SCG3: variants seen among roughly 807,000 people sequenced by gnomAD.
SCG3 encodes secretogranin III.
SCG3 carries 38 observed loss-of-function variants against 56.2 expected under a neutral mutation model. The ratio of observed to expected loss-of-function variants is 0.68; its 90% CI spans 0.52 to 0.89. SCG3 has a LOEUF of 0.89. Among genes scored for constraint, SCG3 ranks in the 40% least tolerant of loss-of-function variants. The pLI is 0.00. For synonymous variants in SCG3, 176 were observed against 184.2 expected, an observed-to-expected ratio of 0.96 and a Z score of 0.36; for missense variants, 524 against 540.7, an observed-to-expected ratio of 0.97 and a Z score of 0.31.
chr15:51,683,535 C>T (rs1414129286), intron 4 of SCG3, 101 bp downstream of exon 4: 2 of 734,478 alleles, frequency 2.7e-6, no homozygotes, highest in African/African-American at 3.6e-5. Flanking sequence ...ATTCATAATC[C>T]TTTATTAGTC....
intron 4 of SCG3, among the ~76,000 whole-genome samples, chr15:51,685,204 A>G (rs1295720596): frequency 6.6e-6 from 1 of 152,224 alleles, no homozygotes; most frequent in Non-Finnish European, 1.5e-5. Flanking sequence ...ACTTTTTAAA[A>G]TCTTGAATTC....
intron 8 of SCG3, among the ~76,000 whole-genome samples, chr15:51,696,226 C>T (rs2055302868): frequency 6.6e-6 from 1 of 152,122 alleles, no homozygotes; most frequent in Non-Finnish European, 1.5e-5. Context: ...TTAGCATTTT[C>T]TAATAATCTT....
chr15:51,695,734 C>G, intron 7 of SCG3, 141 bp from the exon 8 acceptor site: 1 of 595,732 alleles, frequency 1.7e-6, no homozygotes, highest in Non-Finnish European at 2.9e-6. Context: ...GCATTCCAGC[C>G]TGGGCCACAC....
chr15:51,699,953 C>T (rs1325269245), intron 9 of SCG3, among the ~76,000 whole-genome samples: 1 of 152,094 alleles, frequency 6.6e-6, no homozygotes, highest in Non-Finnish European at 1.5e-5. Flanking sequence ...AAGGAGCCTC[C>T]TTTCAAGGAG....
chr15:51,692,218 T>C lies in SCG3; in HGVS notation c.750T>C (p.Ser250=), dbSNP rs1253484688. 1 of 1,614,116 alleles carries C rather than the reference T, an allele frequency of 6.2e-7. No homozygotes were observed. The highest frequency in any genetic ancestry group is 8.5e-7 in the Non-Finnish European group (1 of 1,179,976). Residue 250 remains serine, a synonymous_variant, in exon 7 of 12, where the codon TCT becomes TCC. Transcript: ENST00000220478. ...AGGGAGAAAACGATGAAACAGTATC[T>C]AACACATTAACCTTGACAAATGGCT... ...LAKGENDETV[S]NTLTLTNGLE... is the part of the protein sequence containing the mutation.
At chr15:51,688,921 T>C (rs1489389213) in intron 5 of SCG3, among the ~76,000 whole-genome samples, 2 of 152,212 alleles carry the variant, frequency 1.3e-5, no homozygotes, top group Non-Finnish European at 2.9e-5. Context: ...TATCTGACTA[T>C]GACCCAAAGC....
chr15:51,718,805 ACAATT>A (rs1462275986), intron 11 of SCG3, among the ~76,000 whole-genome samples: 2 of 152,174 alleles, frequency 1.3e-5, no homozygotes, highest in Non-Finnish European at 2.9e-5. Context: ...CTCCTTGCAT[ACAATT>A]CAAACAGCAT....
chr15:51,699,451 G>T, intron 9 of SCG3, 49 bp downstream of exon 9: 1 of 1,171,734 alleles, frequency 8.5e-7, no homozygotes, highest in South Asian at 1.3e-5. Context: ...TAACCCTTTT[G>T]AGTGGTAAAT....
At chr15:51,696,139 A>G in intron 8 of SCG3, 148 bp downstream of exon 8, 1 of 644,040 alleles carries the variant, frequency 1.6e-6, no homozygotes, top group Non-Finnish European at 2.7e-6. Flanking sequence ...TAATATATAC[A>G]AATAAAATTA....
intron 11 of SCG3, among the ~76,000 whole-genome samples, chr15:51,716,744 G>A (rs2055458800): frequency 6.6e-6 from 1 of 152,218 alleles, no homozygotes; most frequent in Non-Finnish European, 1.5e-5. Context: ...ACACTAGCTG[G>A]TTGTCCGCTG....
At chr15:51,698,962 G>A (rs2055321867) in intron 8 of SCG3, among the ~76,000 whole-genome samples, 1 of 152,292 alleles carries the variant, frequency 6.6e-6, no homozygotes, top group South Asian at 2.1e-4. Flanking sequence ...CCAGGGTTAG[G>A]TTCCCTAGGG....
intron 11 of SCG3, among the ~76,000 whole-genome samples, chr15:51,714,548 G>A (rs1595842227): frequency 6.6e-6 from 1 of 152,194 alleles, no homozygotes; most frequent in South Asian, 2.1e-4. Context: ...AACAAGTAAT[G>A]CTTCTCAAAC....
rs750951935 is a variant in SCG3 at position 51,704,244 on chromosome 15, C to CATATATATATAT, written c.1207+3024_1207+3035dup. On this transcript the variant is annotated intron_variant, in intron 10 of 11. Coordinates refer to ENST00000220478, the MANE Select transcript of SCG3 (RefSeq NM_013243.4). ...ATATGTGTGTATACATACATACATA[C>CATATATATATAT]ATATATATATATATATATATATATA... Among the ~76,000 whole-genome samples, 463 of 73,506 alleles carry CATATATATATAT rather than the reference C, an allele frequency of 6.3e-3. 3 individuals are homozygous for CATATATATATAT. The highest frequency in any genetic ancestry group is 0.011 in the African/African-American group (230 of 20,900). The allele number at this position is 73,506 out of a possible 152,430, so 48.2% of individuals were successfully genotyped here.
Position 51,701,254 on chromosome 15 carries a change from T to A in SCG3, c.1207+10T>A. 1 of 1,576,430 alleles carries A rather than the reference T, an allele frequency of 6.3e-7. No individual in the cohort carries two copies. The highest frequency in any genetic ancestry group is 1.4e-5 in the African/African-American group (1 of 73,216). On this transcript the variant is annotated intron_variant, in intron 10 of 11. Transcript: ENST00000220478. ...ACAGATGAACCCAAAGGTATGGGAT[T>A]GACAGCTCTAGGTTAGCAATGAAAT...
At chr15:51,714,805 A>T (rs1595842332) in intron 11 of SCG3, among the ~76,000 whole-genome samples, 1 of 152,334 alleles carries the variant, frequency 6.6e-6, no homozygotes, top group Non-Finnish European at 1.5e-5. Flanking sequence ...GGCAATAATT[A>T]TCGATGTTCA....
intron 11 of SCG3, among the ~76,000 whole-genome samples, chr15:51,716,585 T>C (rs935066613): frequency 6.6e-6 from 1 of 152,198 alleles, no homozygotes; most frequent in Non-Finnish European, 1.5e-5. Flanking sequence ...GAAATGAGGA[T>C]ACTAATGCTT....
chr15:51,682,040 A>G (rs1321324299), intron 1 of SCG3, among the ~76,000 whole-genome samples: 2 of 152,192 alleles, frequency 1.3e-5, no homozygotes, highest in African/African-American at 4.8e-5. Context: ...GAGCAATAAT[A>G]TGGGTTGTTT....
intron 6 of SCG3, among the ~76,000 whole-genome samples, chr15:51,689,679 C>T (rs1280275687): frequency 6.6e-6 from 1 of 152,004 alleles, no homozygotes; most frequent in African/African-American, 2.4e-5. Flanking sequence ...GTCTCAGCTA[C>T]TCAGGAGGCT....
intron 8 of SCG3, 99 bp downstream of exon 8, chr15:51,696,090 G>A (rs1266373883): frequency 1.3e-6 from 1 of 746,720 alleles, no homozygotes; most frequent in East Asian, 2.5e-5. Flanking sequence ...GATAATTTAT[G>A]CCAAAGCTTT....
Sources: allele counts gnomAD v4.1 joint callset (sites outside exome capture counted in the v4.1 genomes callset), GRCh38; gene constraint gnomAD v4.1.1; transcripts MANE v1.5; gene names NCBI Gene and HGNC (gene_info 2026-07-23, HGNC 2026-07-21).